Variants in SUGT1 observed in about 807,000 individuals in gnomAD.
SUGT1 encodes the protein SGT1 assembly cochaperone of MIS12 kinetochore complex.
SUGT1 carries 15 observed loss-of-function variants against 56.1 expected under a neutral mutation model. The ratio of observed to expected loss-of-function variants is 0.27; its 90% confidence interval spans 0.18 to 0.41. The LOEUF (loss-of-function observed/expected upper bound fraction) is 0.41. Ranked by LOEUF, SUGT1 falls within the 10% of genes least tolerant of loss-of-function variation. The probability of loss-of-function intolerance (pLI) is 1.00; values close to 1 mark genes in which losing one functional copy is unlikely to be tolerated. For missense variants in SUGT1, 347 were observed against 382.2 expected, an observed-to-expected ratio of 0.91 and a Z score of 0.77; for synonymous variants, 123 against 128.6, an observed-to-expected ratio of 0.96 and a Z score of 0.30.
intron 8 of SUGT1, among the ~76,000 whole-genome samples, chr13:52,664,816 ATAAT>A (rs1465614730): frequency 2.0e-5 from 3 of 152,224 alleles, no homozygotes; most frequent in Non-Finnish European, 4.4e-5. Context: ...CCATGAAATA[ATAAT>A]TAAGGTGTTC....
chr13:52,671,718 C>T (rs997596525), intron 10 of SUGT1, among the ~76,000 whole-genome samples: 1 of 152,052 alleles, frequency 6.6e-6, no homozygotes, highest in African/African-American at 2.4e-5. Context: ...TCTTGAGAAC[C>T]CTAAATGAGT....
intron 12 of SUGT1, among the ~76,000 whole-genome samples, chr13:52,685,689 C>T (rs1300710165): frequency 6.6e-6 from 1 of 152,180 alleles, no homozygotes; most frequent in Non-Finnish European, 1.5e-5. Flanking sequence ...CAACATTGAT[C>T]TGGAATATAC....
intron 2 of SUGT1, among the ~76,000 whole-genome samples, chr13:52,653,393 T>G (rs921180349): frequency 1.3e-5 from 2 of 152,200 alleles, no homozygotes; most frequent in Admixed American, 1.3e-4. Context: ...AGGATTTTTT[T>G]TTTAATGACA....
intron 2 of SUGT1, among the ~76,000 whole-genome samples, chr13:52,655,248 C>G (rs1300979260): frequency 6.6e-6 from 1 of 152,150 alleles, no homozygotes; most frequent in African/African-American, 2.4e-5. Context: ...GAGGCTGAGG[C>G]AGGAGAATCA....
rs1258599878 is a variant in SUGT1 at position 52,692,491 on chromosome 13, A to G, written c.*4656A>G. The G allele has an allele frequency of 2.0e-5, 3 of 149,596 alleles. No homozygotes were observed. Among genetic ancestry groups the G allele is most frequent in the African/African-American group, 7.4e-5 (3 of 40,358 alleles). The allele number at this position is 149,596 out of a possible 1,614,324, so 9.3% of individuals were successfully genotyped here. On this transcript the variant is annotated 3_prime_UTR_variant, in exon 13 of 13. Coordinates refer to ENST00000310528, the MANE Select transcript of SUGT1 (RefSeq NM_006704.5). The stretch of plus-strand genomic sequence containing the variant: ...AGTGGTGCAATCTTGGCTCACTGCA[A>G]CCTCCACCTCCCAGGTTCAAGTAAT...
rs755832679 is a variant in SUGT1, at chr13:52,680,026, A to G, written c.771A>G (p.Lys257=). 7 of 1,603,090 alleles carry G rather than the reference A, an allele frequency of 4.4e-6. No homozygotes were observed. The African/African-American group carries it at 6.8e-5, about 15-fold the overall frequency. Reference sequence around the variant, plus strand: ...CTCCTTATACAAGAAATTGGGATAAATTGGTTGGTGAGATCAAAGAAGAAG... The same window carrying G: ...CTCCTTATACAAGAAATTGGGATAAGTTGGTTGGTGAGATCAAAGAAGAAG... ...SSSPYTRNWD[K]LVGEIKEEEK... Residue 257 remains lysine, a synonymous_variant, in exon 12 of 13, where the codon AAA becomes AAG. Transcript: ENST00000310528.
At chr13:52,663,846 C>G (rs1271150202) in intron 7 of SUGT1, among the ~76,000 whole-genome samples, 189 bp from the exon 8 acceptor site, 1 of 151,968 alleles carries the variant, frequency 6.6e-6, no homozygotes, top group African/African-American at 2.4e-5. Context: ...TAATTTTTTT[C>G]CGAAAACTAG....
chr13:52,676,518 A>G (rs1367170711), intron 11 of SUGT1, among the ~76,000 whole-genome samples, 198 bp downstream of exon 11: 1 of 152,224 alleles, frequency 6.6e-6, no homozygotes, highest in Non-Finnish European at 1.5e-5. Flanking sequence ...AAGAATACAA[A>G]TGAATGGCAG....
chr13:52,664,618 A>G (rs374806166), intron 8 of SUGT1, among the ~76,000 whole-genome samples: 13 of 152,348 alleles, frequency 8.5e-5, no homozygotes, highest in African/African-American at 2.9e-4. Context: ...GCAAAGGGAA[A>G]CCGAGACTCT....
intron 12 of SUGT1, chr13:52,687,454 A>G (rs1219786324): frequency 5.1e-6 from 1 of 197,862 alleles, no homozygotes; most frequent in Non-Finnish European, 1.0e-5. Context: ...TTAGCAAAGG[A>G]TGTAGTGCAC....
At chr13:52,659,333 A>T in intron 5 of SUGT1, 84 bp downstream of exon 5, 1 of 811,820 alleles carries the variant, frequency 1.2e-6, no homozygotes, top group Non-Finnish European at 1.8e-6. Context: ...GTTAATTTCA[A>T]GTTAATTGTA....
intron 2 of SUGT1, among the ~76,000 whole-genome samples, chr13:52,655,479 G>A (rs959184937): frequency 9.9e-5 from 15 of 152,222 alleles, no homozygotes; most frequent in African/African-American, 3.1e-4. Flanking sequence ...GCGAATTGGA[G>A]GAGGCACAAG....
intron 8 of SUGT1, 25 bp from the exon 9 acceptor site, chr13:52,665,612 T>G (rs201529445): frequency 2.7e-6 from 4 of 1,497,728 alleles, no homozygotes; most frequent in Admixed American, 4.9e-5. Context: ...AAGAGTTACC[T>G]AAGTTTCTTT....
intron 10 of SUGT1, among the ~76,000 whole-genome samples, chr13:52,667,789 T>C (rs61959592): frequency 0.036 from 5,449 of 152,210 alleles, 128 homozygotes; most frequent in South Asian, 0.064. Context: ...CTCTGGATCT[T>C]TGCTTGCCCT....
chr13:52,660,137 A>G (rs934370080), intron 5 of SUGT1, among the ~76,000 whole-genome samples: 4 of 152,040 alleles, frequency 2.6e-5, no homozygotes, highest in African/African-American at 9.7e-5. Flanking sequence ...CCGAGAGCCA[A>G]GAATTTTTAA....
chr13:52,659,023 T>A (rs982739899), intron 4 of SUGT1, among the ~76,000 whole-genome samples, 156 bp from the exon 5 acceptor site: 1 of 152,088 alleles, frequency 6.6e-6, no homozygotes, highest in Non-Finnish European at 1.5e-5. Context: ...TTGTACTAGA[T>A]CTTAACAGTA....
intron 5 of SUGT1, among the ~76,000 whole-genome samples, chr13:52,662,083 C>T (rs1962483410): frequency 6.6e-6 from 1 of 152,132 alleles, no homozygotes; most frequent in African/African-American, 2.4e-5. Context: ...CACCTATAGC[C>T]TCTCGACTGC....
At chr13:52,669,938 C>G (rs976767938) in intron 10 of SUGT1, among the ~76,000 whole-genome samples, 1 of 152,100 alleles carries the variant, frequency 6.6e-6, no homozygotes, top group African/African-American at 2.4e-5. Context: ...GACAACAGTA[C>G]TAAAATAATT....
At chr13:52,656,164 A>G (rs140677995) in intron 2 of SUGT1, among the ~76,000 whole-genome samples, 260 of 152,352 alleles carry the variant, frequency 1.7e-3, no homozygotes, top group Non-Finnish European at 3.3e-3. Context: ...CAGTCAAAGT[A>G]GAGACTGGGG....
Sources: allele counts gnomAD v4.1 joint callset (sites outside exome capture counted in the v4.1 genomes callset), GRCh38; gene constraint gnomAD v4.1.1; transcripts MANE v1.5; gene names NCBI Gene and HGNC (gene_info 2026-07-23, HGNC 2026-07-21).